Variants in HS3ST4 observed in about 807,000 individuals in gnomAD.
HS3ST4 encodes heparan sulfate-glucosamine 3-sulfotransferase 4, also known as heparan sulfate glucosamine 3-O-sulfotransferase 4.
In HS3ST4, 17 loss-of-function variants were observed where a neutral mutation model predicts 29.2. The observed-to-expected ratio is 0.58, with a 90% CI of 0.40 to 0.87. The LOEUF (loss-of-function observed/expected upper bound fraction) is 0.87, where lower values mean the gene tolerates loss of function less well. Ranked by LOEUF, HS3ST4 falls within the 40% of genes least tolerant of loss-of-function variation. The pLI, the probability that HS3ST4 is intolerant of heterozygous loss-of-function variation, is 0.00. For synonymous variants in HS3ST4, 314 were observed against 285.7 expected, an observed-to-expected ratio of 1.10 and a Z score of -1.00; for missense variants, 627 against 634.5, an observed-to-expected ratio of 0.99 and a Z score of 0.13.
At chr16:26,038,040 A>G (rs1272333262) in intron 1 of HS3ST4, among the ~76,000 whole-genome samples, 1 of 151,978 alleles carries the variant, frequency 6.6e-6, no homozygotes, top group Non-Finnish European at 1.5e-5. Context: ...ATTTCCCAAA[A>G]CCTTACATGA....
At chr16:25,987,145 G>A (rs1321401475) in intron 1 of HS3ST4, among the ~76,000 whole-genome samples, 2 of 152,072 alleles carry the variant, frequency 1.3e-5, no homozygotes, top group East Asian at 3.9e-4. Context: ...GAGGTCGGGA[G>A]TTCGAAACCA....
chr16:25,921,103 G>A (rs973911633), intron 1 of HS3ST4, among the ~76,000 whole-genome samples: 1 of 152,168 alleles, frequency 6.6e-6, no homozygotes, highest in Non-Finnish European at 1.5e-5. Flanking sequence ...TAAGCTTCAT[G>A]AGAGCAGAGG....
chr16:25,791,995 G>A (rs1180595790), intron 1 of HS3ST4, among the ~76,000 whole-genome samples: 1 of 151,854 alleles, frequency 6.6e-6, no homozygotes, highest in East Asian at 1.9e-4. Flanking sequence ...TTGCTCTAGG[G>A]TTTTAGTTGC....
chr16:25,953,805 T>A (rs1279643979), intron 1 of HS3ST4, among the ~76,000 whole-genome samples: 1 of 152,180 alleles, frequency 6.6e-6, no homozygotes, highest in Non-Finnish European at 1.5e-5. Context: ...TTATATTGGA[T>A]CCATCCTGCT....
chr16:26,038,215 C>T (rs928961362), intron 1 of HS3ST4, among the ~76,000 whole-genome samples: 1 of 152,114 alleles, frequency 6.6e-6, no homozygotes, highest in Non-Finnish European at 1.5e-5. Flanking sequence ...CCCCGATTGC[C>T]CCTGTGGTGA....
chr16:25,758,144 T>C (rs144966532), intron 1 of HS3ST4, among the ~76,000 whole-genome samples: 26 of 152,242 alleles, frequency 1.7e-4, no homozygotes, highest in African/African-American at 6.0e-4. Flanking sequence ...CTCTCCACCC[T>C]CAAACGGGAG....
At position 25,739,589 on chromosome 16, in the gene HS3ST4, T is replaced by C. The variant is rs578117412; in HGVS notation, c.734+46438T>C. On this transcript the variant is annotated intron_variant, in intron 1 of 1. Transcript: ENST00000331351. ...TCATCATGACTATATGCCACTCCTG[T>C]TTCATTTTTCTGAGGAGCGATGACA... Among the ~76,000 whole-genome samples, 10 of 152,344 alleles carry C rather than the reference T, an allele frequency of 6.6e-5. No homozygotes were observed. In the South Asian group the frequency reaches 2.1e-3, roughly 32 times the overall value.
chr16:25,908,030 C>T lies in HS3ST4; in HGVS notation c.734+214879C>T, dbSNP rs574580393. Among the ~76,000 whole-genome samples the T allele has an allele frequency of 4.6e-5, 7 of 152,176 alleles. No individual in the cohort carries two copies. In the South Asian group the frequency reaches 1.5e-3, roughly 32 times the overall value. Reference sequence around the variant, plus strand: ...TAATTTTCCTTTAGTTATCCTAAGTCGGAACAGATGTGTGTTTGTGATAGA... The same window carrying T: ...TAATTTTCCTTTAGTTATCCTAAGTTGGAACAGATGTGTGTTTGTGATAGA... On this transcript the variant is annotated intron_variant, in intron 1 of 1. Transcript: ENST00000331351.
At chr16:25,908,634 C>A (rs1183974072) in intron 1 of HS3ST4, among the ~76,000 whole-genome samples, 1 of 152,208 alleles carries the variant, frequency 6.6e-6, no homozygotes, top group African/African-American at 2.4e-5. Flanking sequence ...AGGATGAGGA[C>A]AAACCCTCAA....
At chr16:25,742,272 A>G (rs564807735) in intron 1 of HS3ST4, among the ~76,000 whole-genome samples, 243 of 152,300 alleles carry the variant, frequency 1.6e-3, no homozygotes, top group South Asian at 4.0e-3. Context: ...AATGGTACGC[A>G]GAAGCTCCAT....
intron 1 of HS3ST4, among the ~76,000 whole-genome samples, chr16:26,101,107 T>A (rs1898984859): frequency 2.0e-5 from 3 of 152,194 alleles, no homozygotes; most frequent in African/African-American, 7.2e-5. Context: ...ACCTTCTTGC[T>A]CCTCTTCACT....
intron 1 of HS3ST4, among the ~76,000 whole-genome samples, chr16:25,966,495 C>T (rs1567283276): frequency 1.3e-5 from 2 of 152,098 alleles, no homozygotes; most frequent in African/African-American, 2.4e-5. Context: ...CCTGAAGCAA[C>T]CTGAGGTGCT....
intron 1 of HS3ST4, among the ~76,000 whole-genome samples, chr16:25,774,053 C>G (rs1966845316): frequency 6.6e-6 from 1 of 152,158 alleles, no homozygotes; most frequent in Non-Finnish European, 1.5e-5. Context: ...AGACAGCAGT[C>G]CCTCCAGAAA....
At chr16:26,131,036 A>G (rs1339818386) in intron 1 of HS3ST4, among the ~76,000 whole-genome samples, 1 of 152,246 alleles carries the variant, frequency 6.6e-6, no homozygotes, top group African/African-American at 2.4e-5. Flanking sequence ...GCACAGGCCA[A>G]CAATGTTGGT....
At chr16:26,045,602 G>T (rs955348020) in intron 1 of HS3ST4, among the ~76,000 whole-genome samples, 8 of 152,088 alleles carry the variant, frequency 5.3e-5, no homozygotes, top group Admixed American at 3.9e-4. Context: ...CTAGATCTGA[G>T]CTCTGCTAAT....
intron 1 of HS3ST4, among the ~76,000 whole-genome samples, chr16:26,017,589 C>T (rs1355021787): frequency 6.6e-6 from 1 of 152,126 alleles, no homozygotes; most frequent in Non-Finnish European, 1.5e-5. Context: ...TAGCACTGTA[C>T]CAAAGCAGCA....
At chr16:25,947,170 G>T (rs1366547420) in intron 1 of HS3ST4, among the ~76,000 whole-genome samples, 1 of 152,088 alleles carries the variant, frequency 6.6e-6, no homozygotes, top group Non-Finnish European at 1.5e-5. Context: ...TCATTTCATG[G>T]TTCTCCATAA....
At chr16:25,784,505 G>A (rs1038397589) in intron 1 of HS3ST4, among the ~76,000 whole-genome samples, 7 of 152,192 alleles carry the variant, frequency 4.6e-5, no homozygotes, top group Non-Finnish European at 8.8e-5. Context: ...TGATAAGAAA[G>A]CAACACAGCT....
chr16:25,793,592 C>G (rs1174322917), intron 1 of HS3ST4, among the ~76,000 whole-genome samples: 1 of 151,838 alleles, frequency 6.6e-6, no homozygotes, highest in Non-Finnish European at 1.5e-5. Context: ...ATTAGTATAC[C>G]TGTATCAACT....
Sources: gnomAD v4.1 joint callset for allele counts (sites outside exome capture counted in the v4.1 genomes callset) on GRCh38, gnomAD v4.1.1 for gene constraint, MANE v1.5 for transcripts, NCBI Gene and HGNC (gene_info 2026-07-23, HGNC 2026-07-21) for gene names.